Variants in DOCK9 observed in about 807,000 individuals in gnomAD.
DOCK9 encodes dedicator of cytokinesis 9, also known as dedicator of cytokinesis protein 9.
A neutral mutation model predicts 263.3 loss-of-function variants in DOCK9; 89 were observed. The ratio of observed to expected loss-of-function variants is 0.34; its 90% CI spans 0.28 to 0.40. The LOEUF (loss-of-function observed/expected upper bound fraction) is 0.40, where lower values mean the gene tolerates loss of function less well. Ranked by LOEUF, DOCK9 falls within the 10% of genes least tolerant of loss-of-function variation. The pLI is 1.00. For synonymous variants in DOCK9, 976 were observed against 973.1 expected, an observed-to-expected ratio of 1.00 and a Z score of -0.06; for missense variants, 2,140 against 2,603.4, an observed-to-expected ratio of 0.82 and a Z score of 3.87.
chr13:98,815,322 A>G (rs968051302), intron 45 of DOCK9, among the ~76,000 whole-genome samples: 14 of 152,228 alleles, frequency 9.2e-5, no homozygotes, highest in African/African-American at 2.2e-4. Context: ...GACATATTGT[A>G]TAACAAGGCA....
chr13:98,878,304 T>C (rs2044184830), intron 27 of DOCK9, among the ~76,000 whole-genome samples: 1 of 152,220 alleles, frequency 6.6e-6, no homozygotes, highest in East Asian at 1.9e-4. Flanking sequence ...TATAATCCTA[T>C]TCTGTATATA....
intron 1 of DOCK9, among the ~76,000 whole-genome samples, chr13:99,023,560 T>C (rs1017326717): frequency 1.3e-5 from 2 of 152,238 alleles, no homozygotes; most frequent in African/African-American, 4.8e-5. Context: ...ATGGTGATGA[T>C]GGCTGCACAG....
intron 2 of DOCK9, among the ~76,000 whole-genome samples, chr13:98,938,687 A>G (rs1438754955): frequency 6.9e-6 from 1 of 145,416 alleles, no homozygotes; most frequent in African/African-American, 2.5e-5. Context: ...TATTTTTCTA[A>G]CCCTCTCAAC....
At chr13:99,017,580 T>C (rs1019906268) in intron 1 of DOCK9, among the ~76,000 whole-genome samples, 1 of 152,178 alleles carries the variant, frequency 6.6e-6, no homozygotes, top group African/African-American at 2.4e-5. Context: ...AAGCTGCTGG[T>C]ATATGCTGTT....
chr13:99,019,082 A>C (rs764926686), intron 1 of DOCK9, among the ~76,000 whole-genome samples: 2 of 152,216 alleles, frequency 1.3e-5, no homozygotes, highest in Non-Finnish European at 2.9e-5. Flanking sequence ...GATGCATGCC[A>C]CTACACGAAT....
At chr13:98,858,138 T>C (rs1195418554) in intron 33 of DOCK9, 17 of 152,214 alleles carry the variant, frequency 1.1e-4, no homozygotes, top group Admixed American at 9.8e-4. Context: ...GCTTAGTTTG[T>C]TCCTATTTTT....
intron 1 of DOCK9, among the ~76,000 whole-genome samples, chr13:99,001,734 T>G (rs764120477): frequency 6.6e-6 from 1 of 152,250 alleles, no homozygotes; most frequent in Non-Finnish European, 1.5e-5. Flanking sequence ...CTGAGATATC[T>G]GCCATGAGGC....
chr13:98,829,635 C>T lies in DOCK9; in HGVS notation c.4749+8G>A. The T allele has an allele frequency of 6.3e-7, 1 of 1,596,330 alleles. No homozygotes were observed. The highest frequency in any genetic ancestry group is 8.5e-7 in the Non-Finnish European group (1 of 1,170,678). On this transcript the variant is annotated splice_region_variant and intron_variant, in intron 42 of 52. Transcript: ENST00000682017. This position sits in a 1 kb window ranked among gnomAD's most constrained non-coding sequence, Gnocchi z 4.1. ...CAGGGTGAAACTAACATGGGCCAGGCTACCCACCTTAATAAGCCGGTCACT... is the reference window on the plus strand; with the variant it reads ...CAGGGTGAAACTAACATGGGCCAGGTTACCCACCTTAATAAGCCGGTCACT...
intron 2 of DOCK9, among the ~76,000 whole-genome samples, chr13:98,942,236 T>G (rs1380673053): frequency 4.0e-5 from 3 of 74,698 alleles, no homozygotes; most frequent in Non-Finnish European, 8.7e-5. Flanking sequence ...TTTTTTGTTG[T>G]TTTTTTTTTT....
Position 98,794,828 on chromosome 13 carries a change from T to A in DOCK9, c.6157-80A>T, listed in dbSNP as rs1473107463. The stretch of plus-strand genomic sequence containing the variant: ...TGCCATGTTGCCATGTGTGACACAA[T>A]GTTACCAAGTGTAACAAAATGTTAC... On this transcript the variant is annotated intron_variant, in intron 52 of 52. Coordinates refer to ENST00000682017, the MANE Select transcript of DOCK9 (RefSeq NM_001366683.2). 3 of 1,480,008 alleles carry A rather than the reference T, an allele frequency of 2.0e-6. No individual in the cohort carries two copies. The African/African-American group carries it at 4.2e-5, about 21-fold the overall frequency. 91.7% of individuals were successfully genotyped at this position (1,480,008 alleles called of 1,614,324 possible).
At chr13:98,926,824 G>A (rs1381182790) in intron 3 of DOCK9, among the ~76,000 whole-genome samples, 1 of 152,222 alleles carries the variant, frequency 6.6e-6, no homozygotes, top group African/African-American at 2.4e-5. Context: ...AACATAGGTC[G>A]ATAAATGTAT....
At position 98,826,707 on chromosome 13, in the gene DOCK9, C is replaced by T. The variant is rs187714195; in HGVS notation, c.5023+123G>A. The T allele has an allele frequency of 6.8e-5, 52 of 759,414 alleles. 1 individual carries two copies. Among genetic ancestry groups the T allele is most frequent in the East Asian group, 6.8e-4 (24 of 35,168 alleles). 47.0% of individuals were successfully genotyped at this position (759,414 alleles called of 1,614,324 possible). ...AACATCACGCCAGGGGATAAAACAA[C>T]GAATACACTTCACAAACACACAAAT... On this transcript the variant is annotated intron_variant, in intron 44 of 52. Transcript: ENST00000682017.
At chr13:98,895,984 C>T (rs1313419677) in intron 15 of DOCK9, among the ~76,000 whole-genome samples, 1 of 152,166 alleles carries the variant, frequency 6.6e-6, no homozygotes. Flanking sequence ...GGAAGGCTAA[C>T]CCAGCAGGCC....
intron 41 of DOCK9, among the ~76,000 whole-genome samples, chr13:98,830,123 A>G (rs1340331177): frequency 2.0e-5 from 3 of 152,232 alleles, no homozygotes; most frequent in Admixed American, 2.0e-4. Flanking sequence ...ACTTAAATGT[A>G]TTAAATATGC....
chr13:99,011,986 C>A (rs115102564), intron 1 of DOCK9, among the ~76,000 whole-genome samples: 1,974 of 152,208 alleles, frequency 0.013, 32 homozygotes, highest in African/African-American at 0.044. Flanking sequence ...CCACGCCCAG[C>A]TAATCTTTGT....
chr13:99,077,375 AG>A (rs2041951730), intron 1 of DOCK9, among the ~76,000 whole-genome samples: 2 of 152,240 alleles, frequency 1.3e-5, no homozygotes, highest in South Asian at 4.2e-4. Context: ...GTTGTTTAAA[AG>A]TGTGTAGCAC....
chr13:98,888,279 A>G (rs1409207635), intron 17 of DOCK9, 56 bp from the exon 18 acceptor site: 7 of 1,603,064 alleles, frequency 4.4e-6, no homozygotes, highest in Non-Finnish European at 6.0e-6. Flanking sequence ...AGACTATGTA[A>G]GTATTTATAA....
intron 45 of DOCK9, among the ~76,000 whole-genome samples, chr13:98,824,051 C>G (rs547064105): frequency 4.0e-5 from 6 of 151,494 alleles, no homozygotes; most frequent in African/African-American, 1.5e-4. Flanking sequence ...CAGATTAAAA[C>G]TAAGAAAACT....
intron 1 of DOCK9, among the ~76,000 whole-genome samples, chr13:98,990,942 C>T (rs1595846347): frequency 6.6e-6 from 1 of 152,214 alleles, no homozygotes; most frequent in Non-Finnish European, 1.5e-5. Flanking sequence ...GCATTAAATT[C>T]CTTCCTTGCT....
Sources: allele counts gnomAD v4.1 joint callset (sites outside exome capture counted in the v4.1 genomes callset), GRCh38; gene constraint gnomAD v4.1.1; non-coding constraint Gnocchi (gnomAD v3.1); transcripts MANE v1.5; gene names NCBI Gene and HGNC (gene_info 2026-07-23, HGNC 2026-07-21).